Variants in ADAP1 observed in about 807,000 individuals in gnomAD.
ADAP1 encodes the protein arf-GAP with dual PH domain-containing protein 1.
ADAP1 carries 31 observed loss-of-function variants against 54.9 expected under a neutral mutation model. The observed-to-expected ratio is 0.56, with a 90% CI of 0.42 to 0.76. The LOEUF is 0.76. Ranked by LOEUF, ADAP1 falls within the 30% of genes least tolerant of loss-of-function variation. The probability of loss-of-function intolerance (pLI) is 0.00; values close to 1 mark genes in which losing one functional copy is unlikely to be tolerated. For missense variants in ADAP1, 535 were observed against 512.4 expected (o/e 1.04, Z -0.42); for synonymous variants, 313 against 202.6 (o/e 1.55, Z -4.63).
At chr7:907,303 G>A (rs981048882) in intron 4 of ADAP1, among the ~76,000 whole-genome samples, 3 of 152,184 alleles carry the variant, frequency 2.0e-5, no homozygotes, top group African/African-American at 4.8e-5. Flanking sequence ...ACGATCACAG[G>A]GGAGGGAGGC....
intron 1 of ADAP1, among the ~76,000 whole-genome samples, chr7:949,304 C>G (rs574966216): frequency 6.6e-6 from 1 of 152,272 alleles, no homozygotes; most frequent in Non-Finnish European, 1.5e-5. Flanking sequence ...CCGCCTCAGC[C>G]ACCTTGGACC....
intron 4 of ADAP1, among the ~76,000 whole-genome samples, chr7:912,527 T>A (rs1845765806): frequency 6.6e-6 from 1 of 151,984 alleles, no homozygotes; most frequent in Non-Finnish European, 1.5e-5. Flanking sequence ...CGGGCTGAGG[T>A]TCACCTGGGG....
chr7:900,511 T>C, intron 7 of ADAP1, 22 bp downstream of exon 7: 1 of 1,532,028 alleles, frequency 6.5e-7, no homozygotes, highest in South Asian at 1.1e-5. Context: ...GCCCTGGAGC[T>C]GACCGCAGGG....
chr7:920,796 A>G lies in ADAP1; in HGVS notation c.306-746T>C, dbSNP rs1846164397. The stretch of plus-strand genomic sequence containing the variant: ...CACCGTGACTCACTCGAGTGAAGCC[A>G]ATACCATTGCAGAAACCACGACCCA... On this transcript the variant is annotated intron_variant, in intron 3 of 10. Coordinates refer to ENST00000265846, the MANE Select transcript of ADAP1 (RefSeq NM_006869.4). The surrounding 1 kb of genome is among the most constrained non-coding windows in gnomAD (Gnocchi z 4.5). 1 of 1,549,506 alleles carries G rather than the reference A, an allele frequency of 6.5e-7. No individual in the cohort carries two copies.
At chr7:954,275 C>A in intron 1 of ADAP1, 121 bp downstream of exon 1, 1 of 920,690 alleles carries the variant, frequency 1.1e-6, no homozygotes. Flanking sequence ...GTGTTCAGCG[C>A]CGCCACCCCC....
chr7:918,593 T>C (rs1483960485), intron 4 of ADAP1, among the ~76,000 whole-genome samples: 1 of 152,160 alleles, frequency 6.6e-6, no homozygotes, highest in Non-Finnish European at 1.5e-5. Context: ...CCCTGGGGGC[T>C]GCTTCCTTCC....
rs1230607425 is a variant in ADAP1 at position 946,802 on chromosome 7, T to C, written c.82+7594A>G. 6.6e-6 allele frequency among the ~76,000 whole-genome samples: 1 copy of C among 152,212 alleles called. No individual in the cohort carries two copies. The highest frequency in any genetic ancestry group is 2.1e-4 in the South Asian group (1 of 4,828). On this transcript the variant is annotated intron_variant, in intron 1 of 10. Transcript: ENST00000265846. This position sits in a 1 kb window ranked among gnomAD's most constrained non-coding sequence, Gnocchi z 4.3. ...CGATAGAGGTGGTGGTTGAACAGCA[T>C]GGAGAACGTTCTAAATGCCACTGAA...
rs958746480 is a variant in ADAP1 at position 945,074 on chromosome 7, A to G, written c.82+9322T>C. 3.3e-5 allele frequency among the ~76,000 whole-genome samples: 5 copies of G among 152,164 alleles called. No homozygotes were observed. The highest frequency in any genetic ancestry group is 4.2e-4 in the South Asian group (2 of 4,814). ...TGTGTGTGCAGGTGTGTGTGTGTGC[A>G]AGGAGATGGGGAGCTAGAGTCCCCC... is the stretch of plus-strand genomic sequence containing the variant. On this transcript the variant is annotated intron_variant, in intron 1 of 10. Transcript: ENST00000265846. This position sits in a 1 kb window ranked among gnomAD's most constrained non-coding sequence, Gnocchi z 4.2.
At chr7:935,052 G>A (rs996588685) in intron 2 of ADAP1, 4 of 493,122 alleles carry the variant, frequency 8.1e-6, no homozygotes, top group African/African-American at 2.0e-5. Context: ...CCTGAGCCCA[G>A]TGCTCCAGGT....
rs1453939956 is a variant in ADAP1, at chr7:943,825, AGAGGAGGAGGAAGG to A, written c.83-8334_83-8321del. Among the ~76,000 whole-genome samples the A allele has an allele frequency of 1.9e-4, 22 of 116,406 alleles. No individual in the cohort carries two copies. In the Middle Eastern group the frequency reaches 0.015, roughly 78 times the overall value. 76.4% of individuals were successfully genotyped at this position (116,406 alleles called of 152,430 possible). A position where few individuals can be genotyped will look rare whatever the true frequency, so the allele number is the denominator to read the frequency against. On this transcript the variant is annotated intron_variant, in intron 1 of 10. Coordinates refer to ENST00000265846, the MANE Select transcript of ADAP1 (RefSeq NM_006869.4). ...AAGGGAGAGAGGAGGACGAAGGGAG[AGAGGAGGAGGAAGG>A]GAGGAGGAGGAAGGGAGAGAGGAGG...
intron 4 of ADAP1, among the ~76,000 whole-genome samples, chr7:910,635 G>A (rs1197849337): frequency 1.3e-5 from 2 of 152,242 alleles, no homozygotes; most frequent in Non-Finnish European, 2.9e-5. Context: ...CCTCACGTAT[G>A]TGATTTATAT....
In ADAP1 at chr7:920,124, G is replaced by A. The variant is rs1583161465; in HGVS notation, c.306-74C>T. The A allele has an allele frequency of 7.9e-6, 11 of 1,396,374 alleles. No individual in the cohort carries two copies. In the East Asian group the frequency reaches 2.1e-4, roughly 27 times the overall value. 86.5% of individuals were successfully genotyped at this position (1,396,374 alleles called of 1,614,324 possible). A position where few individuals can be genotyped will look rare whatever the true frequency, so the allele number is the denominator to read the frequency against. Reference sequence around the variant, plus strand: ...CCAGCACACGCCGCTCTCTGGCCCGGACCCTGGACATCTCAAGAGGCTCAT... The same window carrying A: ...CCAGCACACGCCGCTCTCTGGCCCGAACCCTGGACATCTCAAGAGGCTCAT... On this transcript the variant is annotated intron_variant, in intron 3 of 10. Coordinates refer to ENST00000265846, the MANE Select transcript of ADAP1 (RefSeq NM_006869.4). This position sits in a 1 kb window ranked among gnomAD's most constrained non-coding sequence, Gnocchi z 4.5.
At chr7:907,051 T>TG (rs1482517539) in intron 4 of ADAP1, among the ~76,000 whole-genome samples, 3 of 151,976 alleles carry the variant, frequency 2.0e-5, no homozygotes, top group Non-Finnish European at 2.9e-5. Flanking sequence ...GCTGGCCTCC[T>TG]CCCTCCTCCC....
intron 4 of ADAP1, among the ~76,000 whole-genome samples, chr7:906,402 G>GGAAAGGA (rs1845333423): frequency 1.1e-4 from 1 of 9,050 alleles, no homozygotes; most frequent in African/African-American, 7.1e-4. Flanking sequence ...AAGGAGAAAG[G>GGAAAGGA]GAAAGGAGAA....
intron 1 of ADAP1, among the ~76,000 whole-genome samples, chr7:950,208 G>A (rs928611558): frequency 9.9e-5 from 15 of 152,230 alleles, no homozygotes; most frequent in Admixed American, 6.5e-4. Flanking sequence ...AATACCAGCC[G>A]GGCATGGTGG....
At chr7:903,171 C>A (rs1159266397) in intron 6 of ADAP1, among the ~76,000 whole-genome samples, 3 of 152,168 alleles carry the variant, frequency 2.0e-5, no homozygotes, top group Non-Finnish European at 4.4e-5. Context: ...TCAACTGCGG[C>A]AAGGAACACA....
intron 1 of ADAP1, among the ~76,000 whole-genome samples, chr7:949,186 G>A (rs908285946): frequency 3.3e-4 from 50 of 152,206 alleles, no homozygotes; most frequent in Non-Finnish European, 7.3e-5. Flanking sequence ...GGGGGAAGGC[G>A]CCTTGCCCGC....
chr7:920,718 C>T lies in ADAP1; in HGVS notation c.306-668G>A, dbSNP rs549554083. ...CCCGGGACGAGGGCCCCCCACGGCACCCACTGAGCCCAGACATCCCTGCCC... is the reference window on the plus strand; with the variant it reads ...CCCGGGACGAGGGCCCCCCACGGCATCCACTGAGCCCAGACATCCCTGCCC... On this transcript the variant is annotated intron_variant, in intron 3 of 10. Transcript: ENST00000265846. The surrounding 1 kb of genome is among the most constrained non-coding windows in gnomAD (Gnocchi z 4.5). The T allele has an allele frequency of 5.8e-6, 8 of 1,382,930 alleles. No individual in the cohort carries two copies. The highest frequency in any genetic ancestry group is 4.4e-5 in the Admixed American group (2 of 45,452). 85.7% of individuals were successfully genotyped at this position (1,382,930 alleles called of 1,614,324 possible). A position where few individuals can be genotyped will look rare whatever the true frequency, so the allele number is the denominator to read the frequency against.
At chr7:902,475 A>AAATGCCTGGGCGTGGT (rs1491159593) in intron 6 of ADAP1, among the ~76,000 whole-genome samples, 211 of 142,196 alleles carry the variant, frequency 1.5e-3, no homozygotes, top group East Asian at 3.3e-3. Flanking sequence ...AAAAAAAGAA[A>AAATGCCTGGGCGTGGT]GAAAAGAAAG....
Sources: gnomAD v4.1 joint callset for allele counts (sites outside exome capture counted in the v4.1 genomes callset) on GRCh38, gnomAD v4.1.1 for gene constraint, Gnocchi (gnomAD v3.1) non-coding constraint, MANE v1.5 for transcripts, NCBI Gene and HGNC (gene_info 2026-07-23, HGNC 2026-07-21) for gene names.